The following SAMSN1 variants were observed in gnomAD, a reference collection of about 807,000 sequenced individuals.
The protein encoded by SAMSN1 is SAM domain, SH3 domain and nuclear localization signals 1.
A neutral mutation model predicts 42.0 loss-of-function variants in SAMSN1; 31 were observed. The ratio of observed to expected loss-of-function variants is 0.74; its 90% CI spans 0.55 to 1.00. The LOEUF is 1.00. SAMSN1 is among the 50% of genes least tolerant of loss of function. The pLI is 0.00. For missense variants in SAMSN1, 464 were observed against 439.4 expected (o/e 1.06, Z -0.50); for synonymous variants, 178 against 151.9 (o/e 1.17, Z -1.26).
chr21:14,610,335 C>A (rs780034477), intron 4 of SAMSN1, among the ~76,000 whole-genome samples: 1 of 152,170 alleles, frequency 6.6e-6, no homozygotes, highest in Non-Finnish European at 1.5e-5. Flanking sequence ...ATGCCCTAGT[C>A]TCCTGCAGTG....
intron 2 of SAMSN1, among the ~76,000 whole-genome samples, chr21:14,572,067 G>A (rs188989520): frequency 6.0e-4 from 92 of 152,252 alleles, no homozygotes; most frequent in African/African-American, 1.8e-3. Flanking sequence ...TCACCATTGT[G>A]GCCACACAGC....
At chr21:14,529,224 G>A (rs1600899502) in intron 1 of SAMSN1, among the ~76,000 whole-genome samples, 2 of 152,210 alleles carry the variant, frequency 1.3e-5, no homozygotes, top group East Asian at 1.9e-4. Context: ...CCCATTCTTC[G>A]AGGGCAGGAT....
intron 2 of SAMSN1, among the ~76,000 whole-genome samples, chr21:14,620,372 A>G (rs181784800): frequency 5.1e-4 from 78 of 151,662 alleles, no homozygotes; most frequent in Non-Finnish European, 9.4e-4. Context: ...AGTTCCTCCT[A>G]CTCTCTCCTG....
chr21:14,508,650 A>G (rs1987536011), intron 5 of SAMSN1, among the ~76,000 whole-genome samples: 1 of 152,218 alleles, frequency 6.6e-6, no homozygotes, highest in Non-Finnish European at 1.5e-5. Context: ...CAGTGTGGAG[A>G]TTCCTTAAAG....
Position 14,521,230 on chromosome 21 carries a change from T to C in SAMSN1, c.58-9A>G. 6.2e-7 allele frequency: 1 copy of C among 1,600,990 alleles called. No individual in the cohort carries two copies. Among genetic ancestry groups the C allele is most frequent in the Non-Finnish European group, 8.5e-7 (1 of 1,171,364 alleles). On this transcript the variant is annotated splice_polypyrimidine_tract_variant and intron_variant, in intron 1 of 7. Coordinates refer to ENST00000400566, the MANE Select transcript of SAMSN1 (RefSeq NM_022136.5). Reference sequence around the variant, plus strand: ...CCAAAACTGCTGCTTCGCTATAAAATAGAAAAGAAAAAGCAAAGGAAACTT... The same window carrying C: ...CCAAAACTGCTGCTTCGCTATAAAACAGAAAAGAAAAAGCAAAGGAAACTT...
At chr21:14,507,841 A>AG (rs1987483974) in intron 5 of SAMSN1, among the ~76,000 whole-genome samples, 1 of 149,890 alleles carries the variant, frequency 6.7e-6, no homozygotes, top group Non-Finnish European at 1.5e-5. Flanking sequence ...GTACTGGTAA[A>AG]AAAAAAAAAA....
chr21:14,513,458 T>C (rs1358879946), intron 3 of SAMSN1, among the ~76,000 whole-genome samples: 2 of 152,136 alleles, frequency 1.3e-5, no homozygotes, highest in African/African-American at 4.8e-5. Flanking sequence ...GTAAACAAGA[T>C]AACAGGGTGC....
At chr21:14,569,923 G>A (rs1358280596) in intron 2 of SAMSN1, among the ~76,000 whole-genome samples, 1 of 151,752 alleles carries the variant, frequency 6.6e-6, no homozygotes, top group Non-Finnish European at 1.5e-5. Flanking sequence ...TTTTCTAAAA[G>A]GAAATAACTC....
At chr21:14,503,033 T>C (rs1384806861) in intron 5 of SAMSN1, among the ~76,000 whole-genome samples, 2 of 152,202 alleles carry the variant, frequency 1.3e-5, no homozygotes, top group Non-Finnish European at 2.9e-5. Flanking sequence ...CAAAACCTTC[T>C]TCTCTTTGTG....
chr21:14,648,594 CA>C (rs1983766158), intron 1 of SAMSN1, among the ~76,000 whole-genome samples: 1 of 151,968 alleles, frequency 6.6e-6, no homozygotes, highest in African/African-American at 2.4e-5. Flanking sequence ...ACAACCCCAT[CA>C]AAAAGTGGGC....
chr21:14,577,004 G>A (rs1333789086), intron 2 of SAMSN1, among the ~76,000 whole-genome samples: 6 of 146,350 alleles, frequency 4.1e-5, no homozygotes, highest in African/African-American at 7.6e-5. Flanking sequence ...TTGAGAGGAG[G>A]AATGGATATT....
At chr21:14,605,814 T>A (rs1029832735) in intron 5 of SAMSN1, among the ~76,000 whole-genome samples, 10 of 143,108 alleles carry the variant, frequency 7.0e-5, no homozygotes, top group Non-Finnish European at 1.5e-4. Flanking sequence ...GAAGATTTAT[T>A]TATTTATTTA....
chr21:14,541,613 G>T (rs1980038522), intron 1 of SAMSN1, among the ~76,000 whole-genome samples: 2 of 152,038 alleles, frequency 1.3e-5, no homozygotes, highest in South Asian at 4.1e-4. Flanking sequence ...TTCCAGTGTG[G>T]CCCAGGAAGG....
intron 5 of SAMSN1, among the ~76,000 whole-genome samples, chr21:14,505,802 A>T (rs760272925): frequency 5.3e-5 from 8 of 152,226 alleles, no homozygotes; most frequent in African/African-American, 1.2e-4. Flanking sequence ...TATACATTCT[A>T]TTCAACAACA....
At chr21:14,548,402 A>G (rs1980497938), upstream of SAMSN1, among the ~76,000 whole-genome samples, 1 of 152,294 alleles carries the variant, frequency 6.6e-6, no homozygotes, top group African/African-American at 2.4e-5. Flanking sequence ...CAATGTTTCT[A>G]TAATACAGTG....
intron 6 of SAMSN1, among the ~76,000 whole-genome samples, chr21:14,594,969 C>T (rs1415966141): frequency 6.6e-6 from 1 of 152,104 alleles, no homozygotes; most frequent in Non-Finnish European, 1.5e-5. Flanking sequence ...AGCCTCCAGT[C>T]ATGGTGGAAG....
At chr21:14,630,805 A>G (rs1313937222) in intron 2 of SAMSN1, among the ~76,000 whole-genome samples, 1 of 152,188 alleles carries the variant, frequency 6.6e-6, no homozygotes, top group African/African-American at 2.4e-5. Context: ...GATGGATGCC[A>G]TTGTTAATCT....
chr21:14,570,330 A>G (rs1981260273), intron 2 of SAMSN1, among the ~76,000 whole-genome samples: 1 of 152,152 alleles, frequency 6.6e-6, no homozygotes, highest in Admixed American at 6.6e-5. Context: ...TAAAAGGCCA[A>G]TTTCCCTTGA....
chr21:14,561,436 T>C (rs2123198782), intron 2 of SAMSN1, among the ~76,000 whole-genome samples: 1 of 152,254 alleles, frequency 6.6e-6, no homozygotes, highest in East Asian at 1.9e-4. Context: ...GCTGTTTGCG[T>C]AGTTGGCAGG....
Sources: allele counts gnomAD v4.1 joint callset (sites outside exome capture counted in the v4.1 genomes callset), GRCh38; gene constraint gnomAD v4.1.1; transcripts MANE v1.5; gene names NCBI Gene and HGNC (gene_info 2026-07-23, HGNC 2026-07-21).